SPG7: variants seen among roughly 807,000 people sequenced by gnomAD.
SPG7 encodes the protein mitochondrial inner membrane m-AAA protease component paraplegin.
Under a neutral mutation model 81.9 loss-of-function variants are expected in SPG7, and 103 were observed. That is an observed-to-expected ratio of 1.26 (90% CI 1.07 to 1.48). The LOEUF is 1.48. SPG7 is among the 40% of genes most tolerant of loss of function. SPG7 has a pLI of 0.00. For missense variants in SPG7, 1,241 were observed against 1,087.3 expected (o/e 1.14, Z -1.99); for synonymous variants, 534 against 444.2 (o/e 1.20, Z -2.54).
chr16:89,513,872 G>C (rs1453796150), intron 3 of SPG7, among the ~76,000 whole-genome samples: 1 of 152,234 alleles, frequency 6.6e-6, no homozygotes, highest in Non-Finnish European at 1.5e-5. Flanking sequence ...TTGCTTTTCA[G>C]GAAAGCTTTC....
chr16:89,539,175 A>T (rs1158667238), intron 9 of SPG7: 1 of 152,216 alleles, frequency 6.6e-6, no homozygotes, highest in Non-Finnish European at 1.5e-5. Context: ...GGGAACAGCA[A>T]AAGCTGCTCA....
intron 13 of SPG7, chr16:89,551,906 G>T (rs1215369297): frequency 1.3e-5 from 2 of 152,032 alleles, no homozygotes; most frequent in African/African-American, 4.8e-5. Flanking sequence ...GAAAAAAAAA[G>T]AATTTTTACT....
chr16:89,557,172 A>C lies in SPG7; in HGVS notation c.*79A>C. On this transcript the variant is annotated 3_prime_UTR_variant, in exon 17 of 17. Coordinates refer to ENST00000645818, the MANE Select transcript of SPG7 (RefSeq NM_003119.4). ...GCCACCCTGAGTTGCTTTTCAGCTG[A>C]GGTTTGCACTTCCTCTCGCGGCCCT... 1 of 1,060,240 alleles carries C rather than the reference A, an allele frequency of 9.4e-7. No homozygotes were observed. Among genetic ancestry groups the C allele is most frequent in the South Asian group, 1.3e-5 (1 of 76,526 alleles). 65.7% of individuals were successfully genotyped at this position (1,060,240 alleles called of 1,614,324 possible). A position where few individuals can be genotyped will look rare whatever the true frequency, so the allele number is the denominator to read the frequency against.
chr16:89,547,641 CCTA>C, intron 11 of SPG7: 1 of 338,606 alleles, frequency 3.0e-6, no homozygotes, highest in South Asian at 2.4e-5. Flanking sequence ...GAGACAGAGT[CCTA>C]CTCTGTCGCC....
intron 9 of SPG7, among the ~76,000 whole-genome samples, chr16:89,542,702 C>G (rs1016480742): frequency 4.6e-5 from 7 of 152,050 alleles, no homozygotes; most frequent in Admixed American, 1.3e-4. Flanking sequence ...TGGTCAGGCC[C>G]CTCAGCCTCC....
intron 9 of SPG7, chr16:89,543,152 T>C (rs1229588178): frequency 6.6e-6 from 1 of 151,310 alleles, no homozygotes; most frequent in Non-Finnish European, 1.5e-5. Flanking sequence ...TTTCACTGTG[T>C]TAGCCAGGAT....
chr16:89,515,248 T>C (rs554027007), intron 3 of SPG7, among the ~76,000 whole-genome samples: 7 of 149,420 alleles, frequency 4.7e-5, no homozygotes, highest in Admixed American at 1.3e-4. Context: ...GGACCTTTTT[T>C]TTTTTTAACT....
At chr16:89,526,644 A>G in intron 5 of SPG7, 176 bp downstream of exon 5, 1 of 690,724 alleles carries the variant, frequency 1.4e-6, no homozygotes, top group East Asian at 3.0e-5. Flanking sequence ...ATTTGGAAAT[A>G]TAGTTATCCC....
At chr16:89,514,778 G>A (rs1053750603) in intron 3 of SPG7, among the ~76,000 whole-genome samples, 7 of 152,136 alleles carry the variant, frequency 4.6e-5, no homozygotes, top group Admixed American at 1.3e-4. Context: ...GATTACAGGC[G>A]TGAGCCACCG....
intron 13 of SPG7, 134 bp downstream of exon 13, chr16:89,550,743 T>G: frequency 1.4e-6 from 1 of 700,208 alleles, no homozygotes. Context: ...TGTCTGTAGG[T>G]CATGTGAGAG....
At position 89,548,065 on chromosome 16, in the gene SPG7, T is replaced by C; in HGVS notation, c.1615T>C (p.Ser539Pro). The C allele has an allele frequency of 2.5e-6, 4 of 1,610,860 alleles. No homozygotes were observed. The highest frequency in any genetic ancestry group is 3.4e-6 in the Non-Finnish European group (4 of 1,179,950). Residue 539 changes from serine to proline, a missense_variant, in exon 12 of 17, where the codon TCC becomes CCC. Transcript: ENST00000645818. ...ALHAAREGHT[S>P]VHTLNFEYAV... ...GCACGCGGCGCGGGAGGGACACACT[T>C]CCGTGCACACTCTCAACTTCGAGTA...
At position 89,508,406 on chromosome 16, in the gene SPG7, T is replaced by G; in HGVS notation, c.-12T>G. ...GCCCCGCGGATCACGCAGGCGCGGC[T>G]TTCAGGCCAACATGGCCGTGCTGCT... On this transcript the variant is annotated 5_prime_UTR_variant, in exon 1 of 17. Coordinates refer to ENST00000645818, the MANE Select transcript of SPG7 (RefSeq NM_003119.4). 6.8e-7 allele frequency: 1 copy of G among 1,477,110 alleles called. No homozygotes were observed. Among genetic ancestry groups the G allele is most frequent in the Non-Finnish European group, 8.9e-7 (1 of 1,120,310 alleles). 91.5% of individuals were successfully genotyped at this position (1,477,110 alleles called of 1,614,324 possible).
At chr16:89,516,256 G>C (rs770478036) in intron 3 of SPG7, among the ~76,000 whole-genome samples, 4 of 151,936 alleles carry the variant, frequency 2.6e-5, no homozygotes, top group Non-Finnish European at 5.9e-5. Flanking sequence ...CGAAAGTGCT[G>C]GGATTACAGG....
At chr16:89,535,590 A>G (rs997706080) in intron 9 of SPG7, among the ~76,000 whole-genome samples, 3 of 152,172 alleles carry the variant, frequency 2.0e-5, no homozygotes, top group Non-Finnish European at 4.4e-5. Flanking sequence ...TCGAGTTTTC[A>G]GAGAACACAA....
chr16:89,548,354 A>G, intron 12 of SPG7: 1 of 506,952 alleles, frequency 2.0e-6, no homozygotes, highest in East Asian at 3.4e-5. Flanking sequence ...GCCTTGCCAA[A>G]GAAAGTGAAA....
At chr16:89,542,787 A>G (rs1234993179) in intron 9 of SPG7, among the ~76,000 whole-genome samples, 1 of 152,006 alleles carries the variant, frequency 6.6e-6, no homozygotes, top group Admixed American at 6.6e-5. Context: ...CCCAGGCTGG[A>G]GTATAGGGGC....
chr16:89,549,018 G>A (rs779852050), intron 12 of SPG7: 2 of 456,158 alleles, frequency 4.4e-6, no homozygotes, highest in Non-Finnish European at 8.8e-6. Context: ...GTGGGTTCCT[G>A]CAGAGGAGTG....
chr16:89,552,936 C>T (rs769706707), intron 13 of SPG7, 43 bp from the exon 14 acceptor site: 20 of 1,605,828 alleles, frequency 1.2e-5, no homozygotes, highest in South Asian at 9.9e-5. Context: ...TCAAAGCCCA[C>T]GCATCCTGCC....
intron 9 of SPG7, chr16:89,540,757 G>A: frequency 2.9e-6 from 1 of 343,092 alleles, no homozygotes; most frequent in Non-Finnish European, 4.1e-6. Context: ...GTGACCCCGT[G>A]TCCACATGCG....
Sources: allele counts gnomAD v4.1 joint callset (sites outside exome capture counted in the v4.1 genomes callset), GRCh38; gene constraint gnomAD v4.1.1; transcripts MANE v1.5; gene names NCBI Gene and HGNC (gene_info 2026-07-23, HGNC 2026-07-21).